MUC17: variants seen among roughly 807,000 people sequenced by gnomAD.
MUC17 encodes the protein mucin 17, cell surface associated, also known as mucin-17.
Under a neutral mutation model 170.3 loss-of-function variants are expected in MUC17, and 190 were observed. The ratio of observed to expected loss-of-function variants is 1.12; its 90% CI spans 0.99 to 1.26. MUC17 has a LOEUF of 1.26. Ranked by LOEUF, MUC17 falls within the 50% of genes most tolerant of loss-of-function variation. The pLI is 0.00. For missense variants in MUC17, 6,415 were observed against 5,530.0 expected (o/e 1.16, Z -5.08); for synonymous variants, 2,325 against 2,002.5 (o/e 1.16, Z -4.30).
rs758187710 is a variant in MUC17 at position 101,033,224 on chromosome 7, C to T, written c.1808C>T (p.Thr603Ile). Residue 603 changes from threonine to isoleucine, a missense_variant, in exon 3 of 13, where the codon ACT (threonine) becomes ATT (isoleucine). By Grantham distance (89) the Thr-to-Ile change is moderately conservative. Transcript: ENST00000306151. ...TPADSNTFVT[T>I]SSEASSSSTT... ...GCTGACTCCAACACTTTTGTGACCA[C>T]TTCTAGTGAAGCTAGTTCATCTTCT... 1 of 1,614,194 alleles carries T rather than the reference C, an allele frequency of 6.2e-7. No homozygotes were observed. Among genetic ancestry groups the T allele is most frequent in the Admixed American group, 1.7e-5 (1 of 60,014 alleles).
At chr7:101,056,071 G>A in intron 11 of MUC17, 123 bp from the exon 12 acceptor site, 1 of 1,369,112 alleles carries the variant, frequency 7.3e-7, no homozygotes, top group Non-Finnish European at 1.0e-6. Flanking sequence ...ATTTTCAAGG[G>A]TTTGCAGTTT....
At position 101,041,955 on chromosome 7, in the gene MUC17, T is replaced by C; in HGVS notation, c.10539T>C (p.Gly3513=). ...CCAGCATGCCAACATCAACTGCTGG[T>C]GAAGGAAGCACTCCATTAACAAATA... ...EVTSMPTSTA[G]EGSTPLTNMP... The change falls in exon 3 of 13, where the codon GGT becomes GGC. Residue 3513 remains glycine (G), a synonymous_variant. Coordinates refer to ENST00000306151, the MANE Select transcript of MUC17 (RefSeq NM_001040105.2). The C allele has an allele frequency of 6.2e-7, 1 of 1,613,334 alleles. No individual in the cohort carries two copies. The highest frequency in any genetic ancestry group is 8.5e-7 in the Non-Finnish European group (1 of 1,179,832).
At position 101,036,126 on chromosome 7, in the gene MUC17, A is replaced by G. The variant is rs140849701; in HGVS notation, c.4710A>G (p.Glu1570=). The change falls in exon 3 of 13, where the codon GAA becomes GAG. Residue 1570 remains glutamate, a synonymous_variant. Transcript: ENST00000306151. ...GCATGCAAACCTCAACTTATAGTGA[A>G]GGAAGCACTCCACTAACAAGTTTGC... ...GTSMQTSTYS[E]GSTPLTSLPV... 1 of 1,613,080 alleles carries G rather than the reference A, an allele frequency of 6.2e-7. No homozygotes were observed. The highest frequency in any genetic ancestry group is 1.3e-5 in the African/African-American group (1 of 74,866).
At chr7:101,052,807 C>T (rs1794973181) in intron 9 of MUC17, among the ~76,000 whole-genome samples, 179 bp from the exon 10 acceptor site, 1 of 152,154 alleles carries the variant, frequency 6.6e-6, no homozygotes, top group African/African-American at 2.4e-5. Flanking sequence ...CATTTGAGGA[C>T]CACCTCCAGG....
Position 101,035,226 on chromosome 7 carries a change from C to G in MUC17, c.3810C>G (p.Thr1270=). ...PTTAEGTSLP[T]STTSEGSTLL... ...CCGCTGAAGGTACCAGCTTGCCAAC[C>G]TCAACTACTAGTGAAGGAAGTACTC... Residue 1270 remains threonine, a synonymous_variant, in exon 3 of 13, where the codon ACC becomes ACG. Coordinates refer to ENST00000306151, the MANE Select transcript of MUC17 (RefSeq NM_001040105.2). 1.2e-6 allele frequency: 2 copies of G among 1,609,732 alleles called. No homozygotes were observed. Among genetic ancestry groups the G allele is most frequent in the Non-Finnish European group, 1.7e-6 (2 of 1,177,100 alleles).
Position 101,051,805 on chromosome 7 carries a change from G to A in MUC17, c.12946G>A (p.Asp4316Asn). 1 of 1,613,258 alleles carries A rather than the reference G, an allele frequency of 6.2e-7. No individual in the cohort carries two copies. Among genetic ancestry groups the A allele is most frequent in the African/African-American group, 1.3e-5 (1 of 75,036 alleles). The change falls in exon 9 of 13, where the codon GAC becomes AAC. Residue 4316 changes from aspartate to asparagine, a missense_variant and splice_region_variant. Physicochemically the swap from Asp to Asn is conservative, Grantham distance 23. Transcript: ENST00000306151. ...ITVTQYDPEE[D>N]CRKMAKEYGD... ...CCTGTCCCTGCACCCCCCACCAGAG[G>A]ACTGCCGGAAGATGGCCAAGGAATA...
intron 1 of MUC17, among the ~76,000 whole-genome samples, chr7:101,021,554 C>T (rs890102673): frequency 1.3e-5 from 2 of 151,970 alleles, no homozygotes; most frequent in East Asian, 1.9e-4. Flanking sequence ...TTCCTTCCCC[C>T]TCTCTTCTCT....
At position 101,041,067 on chromosome 7, in the gene MUC17, T is replaced by TA; in HGVS notation, c.9652dup (p.Ser3218LysfsTer2). 2 of 1,614,000 alleles carry TA rather than the reference T, an allele frequency of 1.2e-6. No homozygotes were observed. The highest frequency in any genetic ancestry group is 2.2e-5 in the South Asian group (2 of 91,072). Reference sequence around the variant, plus strand: ...GTACCAGCATTCCAACCTCAACTCCTAGTGAAGGAATGACTCCATTAACTA... The same window carrying TA: ...GTACCAGCATTCCAACCTCAACTCCTAAGTGAAGGAATGACTCCATTAACTA... On this transcript the variant is annotated frameshift_variant, in exon 3 of 13. Coordinates refer to ENST00000306151, the MANE Select transcript of MUC17 (RefSeq NM_001040105.2). LOFTEE classifies it high-confidence loss of function.
At chr7:101,057,860 G>T in intron 12 of MUC17, 143 bp from the exon 13 acceptor site, 2 of 619,818 alleles carry the variant, frequency 3.2e-6, no homozygotes, top group Non-Finnish European at 5.3e-6. Flanking sequence ...AGCCTGGATG[G>T]CAGAGTAAGA....
intron 7 of MUC17, among the ~76,000 whole-genome samples, chr7:101,051,364 CAAAAAAA>C (rs398005597): frequency 7.7e-5 from 4 of 52,150 alleles, no homozygotes; most frequent in Admixed American, 2.6e-4. Context: ...TACTCCATCT[CAAAAAAA>C]AAAAAAAAAA....
intron 3 of MUC17, among the ~76,000 whole-genome samples, chr7:101,044,416 A>T (rs1370183610): frequency 6.6e-6 from 1 of 152,122 alleles, no homozygotes; most frequent in Non-Finnish European, 1.5e-5. Context: ...TCCACTCACT[A>T]CTTTTTGTGG....
rs1296817846 is a variant in MUC17 at position 101,039,582 on chromosome 7, T to A, written c.8166T>A (p.Pro2722=). The A allele has an allele frequency of 5.6e-6, 9 of 1,612,628 alleles. No homozygotes were observed. The highest frequency in any genetic ancestry group is 7.6e-6 in the Non-Finnish European group (9 of 1,179,204). ...CAACTCCTGTTGACACCAGCACACC[T>A]GTCACCACTTCTGCTGAAGCCAGTT... The part of the protein sequence containing the change: ...LSTTPVDTST[P]VTTSAEASSS... The change falls in exon 3 of 13, where the codon CCT becomes CCA. Residue 2722 remains proline, a synonymous_variant. Coordinates refer to ENST00000306151, the MANE Select transcript of MUC17 (RefSeq NM_001040105.2).
In MUC17 at chr7:101,051,562, G is replaced by A. The variant is rs774518935; in HGVS notation, c.12875-51G>A. 3.2e-5 allele frequency: 50 copies of A among 1,584,284 alleles called. 1 individual carries two copies. The South Asian group carries it at 3.8e-4, about 12-fold the overall frequency. ...ACACACGTCTCAGCTCCCTGAGGACGCAGAACAAGCGTGTATGTGTCGTGA... is the reference window on the plus strand; with the variant it reads ...ACACACGTCTCAGCTCCCTGAGGACACAGAACAAGCGTGTATGTGTCGTGA... On this transcript the variant is annotated intron_variant, in intron 7 of 12. Transcript: ENST00000306151.
intron 1 of MUC17, among the ~76,000 whole-genome samples, chr7:101,023,256 C>T (rs1794126269): frequency 6.6e-6 from 1 of 152,158 alleles, no homozygotes; most frequent in Admixed American, 6.6e-5. Context: ...AAAACCCTAT[C>T]TCCAAATAAG....
In MUC17 at chr7:101,040,607, G is replaced by A. The variant is rs747663877; in HGVS notation, c.9191G>A (p.Ser3064Asn). 9.6e-5 allele frequency: 154 copies of A among 1,612,364 alleles called. No individual in the cohort carries two copies. The highest frequency in any genetic ancestry group is 2.6e-5 in the Non-Finnish European group (31 of 1,179,370). The part of the protein sequence containing the change: ...STTPVAIPEA[S>N]TLSTTPVDSN... ...ACGCCAGTGGCCATTCCTGAGGCTA[G>A]CACCCTTTCAACAACTCCTGTTGAC... is the stretch of plus-strand genomic sequence containing the variant. Residue 3064 changes from serine (S) to asparagine (N), a missense_variant, in exon 3 of 13, where the codon AGC becomes AAC. Coordinates refer to ENST00000306151, the MANE Select transcript of MUC17 (RefSeq NM_001040105.2).
In MUC17 at chr7:101,032,848, G is replaced by C; in HGVS notation, c.1432G>C (p.Asp478His). The C allele has an allele frequency of 1.9e-6, 3 of 1,613,680 alleles. No homozygotes were observed. Among genetic ancestry groups the C allele is most frequent in the Non-Finnish European group, 2.5e-6 (3 of 1,179,908 alleles). ...TAGCAACCTTTCAACAACTCCTGTT[G>C]ACTCCAAAACTCAGGTGACCACTTC... ...EASNLSTTPV[D>H]SKTQVTTSTE... Residue 478 changes from aspartate to histidine, a missense_variant, in exon 3 of 13, where the codon GAC (aspartate) becomes CAC (histidine). Physicochemically the swap from Asp to His is moderately conservative, Grantham distance 81. Transcript: ENST00000306151.
At position 101,058,126 on chromosome 7, in the gene MUC17, C is replaced by A; in HGVS notation, c.*82C>A. ...GAGCATTTTCCCATTGAGAGCCTTC[C>A]ATGGGAACTCAATGTTCCCATTGTA... is the stretch of plus-strand genomic sequence containing the variant. On this transcript the variant is annotated 3_prime_UTR_variant, in exon 13 of 13. Coordinates refer to ENST00000306151, the MANE Select transcript of MUC17 (RefSeq NM_001040105.2). The A allele has an allele frequency of 3.2e-6, 4 of 1,240,100 alleles. No homozygotes were observed. Among genetic ancestry groups the A allele is most frequent in the Non-Finnish European group, 4.7e-6 (4 of 842,996 alleles). 76.8% of individuals were successfully genotyped at this position (1,240,100 alleles called of 1,614,324 possible).
Position 101,039,405 on chromosome 7 carries a change from T to G in MUC17, c.7989T>G (p.Leu2663=). ...CAACTCCTGTTGACACCAGGACACT[T>G]GTGACCACTTCCACTGGAACCAGTT... ...LSTTPVDTRT[L]VTTSTGTSSS... Residue 2663 remains leucine (L), a synonymous_variant, in exon 3 of 13, where the codon CTT becomes CTG. Transcript: ENST00000306151. The G allele has an allele frequency of 6.2e-7, 1 of 1,611,946 alleles. No individual in the cohort carries two copies. The highest frequency in any genetic ancestry group is 2.2e-5 in the East Asian group (1 of 44,790).
Position 101,043,750 on chromosome 7 carries a change from G to C in MUC17, c.12334G>C (p.Ala4112Pro). 3.7e-6 allele frequency: 6 copies of C among 1,613,862 alleles called. No homozygotes were observed. Among genetic ancestry groups the C allele is most frequent in the Non-Finnish European group, 5.1e-6 (6 of 1,179,946 alleles). The change falls in exon 3 of 13, where the codon GCT becomes CCT. Residue 4112 changes from alanine (A) to proline (P), a missense_variant. By Grantham distance (27) the Ala-to-Pro change is conservative (BLOSUM62 -1). Coordinates refer to ENST00000306151, the MANE Select transcript of MUC17 (RefSeq NM_001040105.2). ...TTCCTTCCCCACGGTGACCACCACC[G>C]CTGTCCCCACGAATACTACAATTAA... ...TTSFPTVTTT[A>P]VPTNTTIKSN...
Sources: allele counts gnomAD v4.1 joint callset (sites outside exome capture counted in the v4.1 genomes callset), GRCh38; gene constraint gnomAD v4.1.1; transcripts MANE v1.5; gene names NCBI Gene and HGNC (gene_info 2026-07-23, HGNC 2026-07-21).